SLC26A2: variants seen among roughly 807,000 people sequenced by gnomAD.
The protein encoded by SLC26A2 is sulfate transporter.
SLC26A2 carries 36 observed loss-of-function variants against 41.1 expected under a neutral mutation model. That is an observed-to-expected ratio of 0.88 (90% CI 0.67 to 1.16). The LOEUF (loss-of-function observed/expected upper bound fraction) is 1.16, where lower values mean the gene tolerates loss of function less well. SLC26A2 is among the 50% of genes most tolerant of loss of function. The probability of loss-of-function intolerance (pLI) is 0.00; values close to 1 mark genes in which losing one functional copy is unlikely to be tolerated. For missense variants in SLC26A2, 796 were observed against 869.6 expected, an observed-to-expected ratio of 0.92 and a Z score of 1.07; for synonymous variants, 291 against 311.6, an observed-to-expected ratio of 0.93 and a Z score of 0.70.
At chr5:149,971,384 T>C (rs1398807066) in intron 1 of SLC26A2, among the ~76,000 whole-genome samples, 1 of 152,114 alleles carries the variant, frequency 6.6e-6, no homozygotes, top group African/African-American at 2.4e-5. Flanking sequence ...TACCTGTTTA[T>C]AGTTTAGTTT....
chr5:149,963,269 C>G (rs1383011528), intron 1 of SLC26A2, among the ~76,000 whole-genome samples: 1 of 151,508 alleles, frequency 6.6e-6, no homozygotes, highest in Non-Finnish European at 1.5e-5. Context: ...GCCACCACGC[C>G]TGGCTAATTT....
chr5:149,978,463 G>A lies in SLC26A2; in HGVS notation c.699+112G>A, dbSNP rs1755036557. 3.0e-6 allele frequency: 3 copies of A among 988,104 alleles called. No individual in the cohort carries two copies. In the Admixed American group the frequency reaches 5.7e-5, roughly 19 times the overall value. 61.2% of individuals were successfully genotyped at this position (988,104 alleles called of 1,614,324 possible). On this transcript the variant is annotated intron_variant, in intron 2 of 2. Coordinates refer to ENST00000286298, the MANE Select transcript of SLC26A2 (RefSeq NM_000112.4). ...AATAATTAAAGGTATCATTTATTGAGAGTTCAGGATATATGAAGGGTAGAG... is the reference window on the plus strand; with the variant it reads ...AATAATTAAAGGTATCATTTATTGAAAGTTCAGGATATATGAAGGGTAGAG...
At chr5:149,969,394 A>G (rs1362158492) in intron 1 of SLC26A2, among the ~76,000 whole-genome samples, 1 of 152,204 alleles carries the variant, frequency 6.6e-6, no homozygotes, top group African/African-American at 2.4e-5. Context: ...TGAGAACCAC[A>G]TTTCTAATTG....
chr5:149,980,452 AT>A lies in SLC26A2; in HGVS notation c.860del (p.Ile287ThrfsTer55). On this transcript the variant is annotated frameshift_variant, in exon 3 of 3. Transcript: ENST00000286298. LOFTEE classifies it high-confidence loss of function. The stretch of plus-strand genomic sequence containing the variant: ...TCGGACTAATGGTGTGGGCTCACTC[AT>A]CACTACCTGGATACATGTCTTCAGA... ...LPRTNGVGSL[I>X]TTWIHVFRNI... 6 of 1,614,000 alleles carry A rather than the reference AT, an allele frequency of 3.7e-6. No individual in the cohort carries two copies. Among genetic ancestry groups the A allele is most frequent in the Non-Finnish European group, 5.1e-6 (6 of 1,180,018 alleles).
rs886060243 is a variant in SLC26A2, at chr5:149,984,603, G to A, written c.*2790G>A. 6.6e-6 allele frequency: 1 copy of A among 152,452 alleles called. No individual in the cohort carries two copies. The highest frequency in any genetic ancestry group is 1.9e-4 in the East Asian group (1 of 5,188). The allele number at this position is 152,452 out of a possible 1,614,324, so 9.4% of individuals were successfully genotyped here. On this transcript the variant is annotated 3_prime_UTR_variant, in exon 3 of 3. Transcript: ENST00000286298. The stretch of plus-strand genomic sequence containing the variant: ...TTGAACCCGGGAGGCGGAGGTTGCA[G>A]TAAGCAGAGATTGTGCCACTGGACT...
In SLC26A2 at chr5:149,982,067, A is replaced by G; in HGVS notation, c.*254A>G. 4.0e-6 allele frequency: 2 copies of G among 501,136 alleles called. No individual in the cohort carries two copies. Among genetic ancestry groups the G allele is most frequent in the South Asian group, 2.3e-5 (1 of 43,544 alleles). The allele number at this position is 501,136 out of a possible 1,614,324, so 31.0% of individuals were successfully genotyped here. A position where few individuals can be genotyped will look rare whatever the true frequency, so the allele number is the denominator to read the frequency against. On this transcript the variant is annotated 3_prime_UTR_variant, in exon 3 of 3. Transcript: ENST00000286298. ...GAAGTATTCTTGGAATGCAATAAGT[A>G]TGTATTGAACTGTACTGTAAAGTAG...
In SLC26A2 at chr5:149,977,873, T is replaced by TGCA; in HGVS notation, c.223_225dup (p.Gln75dup). ...TTCAAGGAGTTTGTTATTAAAAAGC[T>TGCA]GCAGAAGAATTGCCAGTGCAGTCCA... On this transcript the variant is annotated inframe_insertion, in exon 2 of 3. Transcript: ENST00000286298. 6.2e-7 allele frequency: 1 copy of TGCA among 1,614,188 alleles called. No homozygotes were observed. The highest frequency in any genetic ancestry group is 8.5e-7 in the Non-Finnish European group (1 of 1,179,996).
intron 1 of SLC26A2, among the ~76,000 whole-genome samples, chr5:149,975,118 A>G (rs1475056652): frequency 6.6e-6 from 1 of 151,974 alleles, no homozygotes; most frequent in Non-Finnish European, 1.5e-5. Context: ...CTTGGATGTT[A>G]TGTTACATTG....
At position 149,981,580 on chromosome 5, in the gene SLC26A2, G is replaced by A. The variant is rs1554095397; in HGVS notation, c.1987G>A (p.Gly663Arg). The A allele has an allele frequency of 1.9e-5, 30 of 1,614,094 alleles. No individual in the cohort carries two copies. In the East Asian group the frequency reaches 6.2e-4, roughly 34 times the overall value. The change falls in exon 3 of 3, where the codon GGG (glycine) becomes AGG (arginine). Residue 663 changes from glycine (G) to arginine (R), a missense_variant. By Grantham distance (125) the Gly-to-Arg change is moderately radical (BLOSUM62 -2). Coordinates refer to ENST00000286298, the MANE Select transcript of SLC26A2 (RefSeq NM_000112.4). The part of the protein sequence containing the change: ...CSAIQFLDTA[G>R]IHTLKEVRRD... ...TGCAATTCAATTTTTAGATACAGCAGGGATCCACACACTGAAAGAAGTTCG... is the reference window on the plus strand; with the variant it reads ...TGCAATTCAATTTTTAGATACAGCAAGGATCCACACACTGAAAGAAGTTCG...
rs372573342 is a variant in SLC26A2 at position 149,981,402 on chromosome 5, T to A, written c.1809T>A (p.Thr603=). 18 of 1,613,962 alleles carry A rather than the reference T, an allele frequency of 1.1e-5. No homozygotes were observed. The highest frequency in any genetic ancestry group is 3.3e-5 in the Admixed American group (2 of 60,000). ...TTAAATCTGCTTTATACAAACAAAC[T>A]GTCAACCCAATCTTAATAAAGGTGG... is the stretch of plus-strand genomic sequence containing the variant. ...ECFKSALYKQ[T]VNPILIKVAW... The change falls in exon 3 of 3, where the codon ACT becomes ACA. Residue 603 remains threonine, a synonymous_variant. Transcript: ENST00000286298.
At chr5:149,961,219 C>T (rs1280518769) in intron 1 of SLC26A2, among the ~76,000 whole-genome samples, 3 of 152,214 alleles carry the variant, frequency 2.0e-5, no homozygotes, top group Non-Finnish European at 4.4e-5. Context: ...TGCCCACCCG[C>T]CCTCCATCCC....
Position 149,984,077 on chromosome 5 carries a change from C to T in SLC26A2, c.*2264C>T, listed in dbSNP as rs1300426286. 6.6e-6 allele frequency: 1 copy of T among 152,186 alleles called. No individual in the cohort carries two copies. The highest frequency in any genetic ancestry group is 2.4e-5 in the African/African-American group (1 of 41,442). The allele number at this position is 152,186 out of a possible 1,614,324, so 9.4% of individuals were successfully genotyped here. ...CAGAAGGAGGGATAACAGGATTTGA[C>T]CTTTACCAGCGATTTCTGTCCATAT... On this transcript the variant is annotated 3_prime_UTR_variant, in exon 3 of 3. Coordinates refer to ENST00000286298, the MANE Select transcript of SLC26A2 (RefSeq NM_000112.4).
intron 1 of SLC26A2, among the ~76,000 whole-genome samples, chr5:149,976,391 G>A (rs1041152113): frequency 2.0e-5 from 3 of 152,164 alleles, no homozygotes; most frequent in African/African-American, 7.2e-5. Context: ...GGGACACAGA[G>A]GGTGTAGTAT....
intron 1 of SLC26A2, among the ~76,000 whole-genome samples, chr5:149,971,764 T>C (rs1191054804): frequency 6.6e-6 from 1 of 152,226 alleles, no homozygotes; most frequent in East Asian, 1.9e-4. Context: ...AGGTAAAATA[T>C]TAGTTGCTTT....
chr5:149,967,144 C>A (rs1581226256), intron 1 of SLC26A2, among the ~76,000 whole-genome samples: 1 of 152,292 alleles, frequency 6.6e-6, no homozygotes, highest in East Asian at 1.9e-4. Flanking sequence ...GTCTGAGCAA[C>A]AGAGTGAGAC....
At position 149,981,375 on chromosome 5, in the gene SLC26A2, C is replaced by T. The variant is rs768209267; in HGVS notation, c.1782C>T (p.Cys594=). The change falls in exon 3 of 3, where the codon TGC becomes TGT. Residue 594 remains cysteine (C), a synonymous_variant. Transcript: ENST00000286298. The part of the protein sequence containing the change: ...VAPLYYINKE[C]FKSALYKQTV... The stretch of plus-strand genomic sequence containing the variant: ...CTCTCTACTACATAAACAAAGAATG[C>T]TTTAAATCTGCTTTATACAAACAAA... 5.6e-6 allele frequency: 9 copies of T among 1,614,028 alleles called. No homozygotes were observed. In the South Asian group the frequency reaches 7.7e-5, roughly 14 times the overall value.
intron 1 of SLC26A2, among the ~76,000 whole-genome samples, chr5:149,962,632 C>G (rs937633550): frequency 2.6e-5 from 4 of 152,188 alleles, no homozygotes; most frequent in Non-Finnish European, 5.9e-5. Flanking sequence ...AGCCACTGTG[C>G]CCTGCCCACA....
At chr5:149,966,134 A>C (rs996764817) in intron 1 of SLC26A2, among the ~76,000 whole-genome samples, 22 of 152,184 alleles carry the variant, frequency 1.4e-4, no homozygotes, top group African/African-American at 4.6e-4. Flanking sequence ...TGGACTCCTG[A>C]GCTCAAGTGA....
In SLC26A2 at chr5:149,981,528, G is replaced by C; in HGVS notation, c.1935G>C (p.Glu645Asp). 1 of 1,614,142 alleles carries C rather than the reference G, an allele frequency of 6.2e-7. No individual in the cohort carries two copies. Among genetic ancestry groups the C allele is most frequent in the African/African-American group, 1.3e-5 (1 of 75,034 alleles). ...TGCAACTTTCCCATGATCCCTTGGA[G>C]CTGCATACTATAGTGATTGACTGCA... is the stretch of plus-strand genomic sequence containing the variant. Reference protein sequence around the residue: ...MSVQLSHDPLELHTIVIDCSA... With the variant: ...MSVQLSHDPLDLHTIVIDCSA... The change falls in exon 3 of 3, where the codon GAG (glutamate) becomes GAC (aspartate). Residue 645 changes from glutamate to aspartate, a missense_variant. By Grantham distance (45) the Glu-to-Asp change is conservative. Transcript: ENST00000286298.
Sources: gnomAD v4.1 joint callset for allele counts (sites outside exome capture counted in the v4.1 genomes callset) on GRCh38, gnomAD v4.1.1 for gene constraint, MANE v1.5 for transcripts, NCBI Gene and HGNC (gene_info 2026-07-23, HGNC 2026-07-21) for gene names.